The following VAV2 variants were observed in gnomAD, a reference collection of about 807,000 sequenced individuals.
VAV2 encodes guanine nucleotide exchange factor VAV2.
In VAV2, 67 loss-of-function variants were observed where a neutral mutation model predicts 132.5. The observed-to-expected ratio is 0.51, with a 90% CI of 0.42 to 0.62. VAV2 has a LOEUF of 0.62. Ranked by LOEUF, VAV2 falls within the 20% of genes least tolerant of loss-of-function variation. VAV2 has a pLI of 0.00. For synonymous variants in VAV2, 492 were observed against 443.5 expected (o/e 1.11, Z -1.37); for missense variants, 938 against 1,153.6 (o/e 0.81, Z 2.71).
chr9:133,861,502 C>A, intron 2 of VAV2, 70 bp from the exon 3 acceptor site: 4 of 1,565,478 alleles, frequency 2.6e-6, no homozygotes, highest in Middle Eastern at 1.7e-4. Context: ...GAACTGGGGA[C>A]GCTGCTTTGC....
At chr9:133,789,943 C>T (rs113153401) in intron 13 of VAV2, among the ~76,000 whole-genome samples, 13 of 152,250 alleles carry the variant, frequency 8.5e-5, no homozygotes, top group Admixed American at 7.8e-4. Flanking sequence ...CTTCAAGACA[C>T]GAACAGGGCC....
chr9:133,941,100 A>AC (rs1442888145), intron 1 of VAV2, among the ~76,000 whole-genome samples: 2 of 152,076 alleles, frequency 1.3e-5, no homozygotes, highest in Non-Finnish European at 2.9e-5. Flanking sequence ...ACCTGTGCCC[A>AC]CCAAACACTC....
At chr9:133,807,110 G>A in intron 8 of VAV2, 148 bp downstream of exon 8, 2 of 869,348 alleles carry the variant, frequency 2.3e-6, no homozygotes, top group East Asian at 2.9e-5. Flanking sequence ...GGAGAGAGCG[G>A]TGGGGGCTCC....
chr9:133,942,683 G>A (rs1259531826), intron 1 of VAV2, among the ~76,000 whole-genome samples: 1 of 152,226 alleles, frequency 6.6e-6, no homozygotes, highest in African/African-American at 2.4e-5. Context: ...CCAGGCCCAG[G>A]CTTCCTTTCG....
intron 3 of VAV2, among the ~76,000 whole-genome samples, chr9:133,848,068 G>A (rs1837009184): frequency 1.3e-5 from 2 of 152,148 alleles, no homozygotes; most frequent in Admixed American, 6.5e-5. Flanking sequence ...ACGAGGTCAG[G>A]AGATCGAGAC....
intron 1 of VAV2, among the ~76,000 whole-genome samples, chr9:133,972,514 C>A (rs530528319): frequency 6.6e-6 from 1 of 152,224 alleles, no homozygotes; most frequent in Non-Finnish European, 1.5e-5. Flanking sequence ...CGCTGGCTCC[C>A]GCAGACACAT....
At chr9:133,843,873 G>T (rs1836824045) in intron 3 of VAV2, among the ~76,000 whole-genome samples, 1 of 152,162 alleles carries the variant, frequency 6.6e-6, no homozygotes, top group Non-Finnish European at 1.5e-5. Context: ...GGAGTGGCGG[G>T]TTGGAAGGTG....
chr9:133,771,566 G>C (rs1021541669), intron 26 of VAV2, among the ~76,000 whole-genome samples: 48 of 152,334 alleles, frequency 3.2e-4, no homozygotes, highest in African/African-American at 1.1e-3. Flanking sequence ...GGGTGAGTCG[G>C]AGAAGAAGCT....
At chr9:133,953,798 A>G (rs682388) in intron 1 of VAV2, among the ~76,000 whole-genome samples, 43,528 of 152,084 alleles carry the variant, frequency 0.29, 6,486 homozygotes, top group East Asian at 0.41. Flanking sequence ...CCCGGCTCCC[A>G]GGCCTGCATG....
rs113108666 is a variant in VAV2 at position 133,845,406 on chromosome 9, G to A, written c.381-11066C>T. On this transcript the variant is annotated intron_variant, in intron 3 of 29. Coordinates refer to ENST00000371850, the MANE Select transcript of VAV2 (RefSeq NM_001134398.2). Reference sequence around the variant, plus strand: ...GGATCCCTACTCGGAGAGCTGGGGTGGGAGGGCCAGAATGGGGGGCCGCAC... The same window carrying A: ...GGATCCCTACTCGGAGAGCTGGGGTAGGAGGGCCAGAATGGGGGGCCGCAC... 1.7e-3 allele frequency among the ~76,000 whole-genome samples: 265 copies of A among 152,344 alleles called. 1 individual carries two copies. Among genetic ancestry groups the A allele is most frequent in the African/African-American group, 6.0e-3 (251 of 41,590 alleles).
At chr9:133,881,279 T>C (rs1045583236) in intron 2 of VAV2, among the ~76,000 whole-genome samples, 2 of 152,246 alleles carry the variant, frequency 1.3e-5, no homozygotes, top group Non-Finnish European at 2.9e-5. Context: ...TATCTGCAGA[T>C]AGCGGAGCGC....
intron 2 of VAV2, among the ~76,000 whole-genome samples, chr9:133,933,087 G>A (rs547339378): frequency 2.4e-4 from 36 of 152,366 alleles, no homozygotes; most frequent in African/African-American, 8.7e-4. Flanking sequence ...CCTCCACATG[G>A]GGCCATCCCT....
intron 1 of VAV2, among the ~76,000 whole-genome samples, chr9:133,985,569 A>G (rs1233153532): frequency 2.0e-5 from 3 of 152,200 alleles, no homozygotes; most frequent in Non-Finnish European, 4.4e-5. Flanking sequence ...GGCATGAGCC[A>G]TCGCGCCCGG....
At chr9:133,865,106 G>A (rs959668449) in intron 2 of VAV2, among the ~76,000 whole-genome samples, 6 of 152,184 alleles carry the variant, frequency 3.9e-5, no homozygotes, top group East Asian at 1.9e-4. Flanking sequence ...GGGTCCTTCC[G>A]CAAAAACACT....
chr9:133,793,184 C>CCCACTTCAGTCCAGAAAACGCAGTGT (rs1834565537), intron 12 of VAV2, among the ~76,000 whole-genome samples: 3 of 152,170 alleles, frequency 2.0e-5, no homozygotes, highest in African/African-American at 7.2e-5. Flanking sequence ...GAGAGCAGTG[C>CCCACTTCAGTCCAGAAAACGCAGTGT]CCACTTCAGT....
At chr9:133,872,297 C>T (rs983318356) in intron 2 of VAV2, among the ~76,000 whole-genome samples, 3 of 152,366 alleles carry the variant, frequency 2.0e-5, no homozygotes, top group Admixed American at 6.5e-5. Context: ...CCTGCATGCT[C>T]GGCTCCCAGC....
chr9:133,895,033 C>T (rs962423898), intron 2 of VAV2, among the ~76,000 whole-genome samples: 4 of 151,950 alleles, frequency 2.6e-5, no homozygotes, highest in Non-Finnish European at 2.9e-5. Context: ...GGGGGGCGTC[C>T]GGAGATGGTG....
chr9:133,829,785 C>T lies in VAV2; in HGVS notation c.449+4487G>A, dbSNP rs143187725. Among the ~76,000 whole-genome samples, 702 of 152,226 alleles carry T rather than the reference C, an allele frequency of 4.6e-3. 6 individuals carry two copies. The highest frequency in any genetic ancestry group is 0.016 in the African/African-American group (672 of 41,512). On this transcript the variant is annotated intron_variant, in intron 4 of 29. Coordinates refer to ENST00000371850, the MANE Select transcript of VAV2 (RefSeq NM_001134398.2). ...GGGATTACAGGTGTAAGCCACTATG[C>T]CCAGCCTATAAAATACATTCTTATG...
At chr9:133,887,806 C>T (rs897720510) in intron 2 of VAV2, among the ~76,000 whole-genome samples, 4 of 151,992 alleles carry the variant, frequency 2.6e-5, no homozygotes, top group South Asian at 2.1e-4. Flanking sequence ...CCCCGCCCCC[C>T]ACCCAGGGGC....
Sources: gnomAD v4.1 joint callset for allele counts (sites outside exome capture counted in the v4.1 genomes callset) on GRCh38, gnomAD v4.1.1 for gene constraint, MANE v1.5 for transcripts, NCBI Gene and HGNC (gene_info 2026-07-23, HGNC 2026-07-21) for gene names.